Variants in NFYC observed in about 807,000 individuals in gnomAD.
NFYC encodes nuclear transcription factor Y subunit gamma, also known as CAAT box DNA-binding protein subunit C.
A neutral mutation model predicts 53.1 loss-of-function variants in NFYC; 25 were observed. The ratio of observed to expected loss-of-function variants is 0.47; its 90% confidence interval spans 0.34 to 0.66. The LOEUF (loss-of-function observed/expected upper bound fraction) is 0.66. NFYC is among the 30% of genes least tolerant of loss of function. The probability of loss-of-function intolerance (pLI) is 0.01; values close to 1 mark genes in which losing one functional copy is unlikely to be tolerated. For synonymous variants in NFYC, 145 were observed against 152.6 expected, an observed-to-expected ratio of 0.95 and a Z score of 0.37; for missense variants, 260 against 422.7, an observed-to-expected ratio of 0.62 and a Z score of 3.38.
At chr1:40,698,787 A>G (rs907866464) in intron 1 of NFYC, among the ~76,000 whole-genome samples, 3 of 152,154 alleles carry the variant, frequency 2.0e-5, no homozygotes, top group African/African-American at 7.2e-5. Flanking sequence ...AATAAGATTC[A>G]ATAATTGTCC....
intron 1 of NFYC, among the ~76,000 whole-genome samples, chr1:40,721,189 G>C (rs140685947): frequency 6.6e-6 from 1 of 152,222 alleles, no homozygotes; most frequent in African/African-American, 2.4e-5. Context: ...ATTAGTGAAT[G>C]TGTAGACAGT....
chr1:40,706,510 T>C (rs1225755096), intron 1 of NFYC, among the ~76,000 whole-genome samples: 3 of 152,216 alleles, frequency 2.0e-5, no homozygotes, highest in African/African-American at 7.2e-5. Flanking sequence ...ATGAGGAGTT[T>C]CTAGAAAAGA....
Position 40,771,176 on chromosome 1 carries a change from GT to G in NFYC, c.*351del, listed in dbSNP as rs1647067412. On this transcript the variant is annotated 3_prime_UTR_variant, in exon 10 of 10. Coordinates refer to ENST00000447388, the MANE Select transcript of NFYC (RefSeq NM_014223.5). ...CTCCTTTTGTTTTTCTTTTTTTTTTGTTTGTTACTGCCACTTCTTTTTAGGA... is the reference window on the plus strand; with the variant it reads ...CTCCTTTTGTTTTTCTTTTTTTTTTGTTGTTACTGCCACTTCTTTTTAGGA... 1 of 308,812 alleles carries G rather than the reference GT, an allele frequency of 3.2e-6. No homozygotes were observed. The highest frequency in any genetic ancestry group is 4.8e-5 in the Admixed American group (1 of 20,656). The allele number at this position is 308,812 out of a possible 1,614,324, so 19.1% of individuals were successfully genotyped here. A position where few individuals can be genotyped will look rare whatever the true frequency, so the allele number is the denominator to read the frequency against.
intron 1 of NFYC, among the ~76,000 whole-genome samples, chr1:40,698,819 G>A (rs779027470): frequency 6.6e-6 from 1 of 152,126 alleles, no homozygotes; most frequent in African/African-American, 2.4e-5. Flanking sequence ...ACATTCATGA[G>A]TATGAACCAT....
At chr1:40,751,769 A>C (rs1392490179) in intron 4 of NFYC, among the ~76,000 whole-genome samples, 1 of 152,100 alleles carries the variant, frequency 6.6e-6, no homozygotes, top group African/African-American at 2.4e-5. Flanking sequence ...GATGTTTATT[A>C]TTTTTCTTTT....
At chr1:40,735,946 AAG>A (rs1645002648) in intron 1 of NFYC, among the ~76,000 whole-genome samples, 1 of 152,230 alleles carries the variant, frequency 6.6e-6, no homozygotes, top group Non-Finnish European at 1.5e-5. Flanking sequence ...CAGTACATCT[AAG>A]AGAGTAGCAT....
At chr1:40,757,938 T>G in intron 5 of NFYC, 183 bp from the exon 6 acceptor site, 1 of 639,470 alleles carries the variant, frequency 1.6e-6, no homozygotes, top group Non-Finnish European at 2.7e-6. Flanking sequence ...GGATCTGTTA[T>G]TTTTAGTTTG....
At chr1:40,699,589 A>G (rs529207593) in intron 1 of NFYC, among the ~76,000 whole-genome samples, 28 of 152,362 alleles carry the variant, frequency 1.8e-4, no homozygotes, top group Admixed American at 5.2e-4. Flanking sequence ...TTGGTTGGCA[A>G]TCACTTAGGA....
At chr1:40,720,274 T>G (rs1052234602) in intron 1 of NFYC, among the ~76,000 whole-genome samples, 1 of 152,210 alleles carries the variant, frequency 6.6e-6, no homozygotes, top group Non-Finnish European at 1.5e-5. Context: ...TTGACATTAT[T>G]ATAACGCCCT....
chr1:40,749,637 C>G lies in NFYC; in HGVS notation c.242C>G (p.Thr81Ser), dbSNP rs1426053710. The G allele has an allele frequency of 2.5e-6, 4 of 1,614,056 alleles. No individual in the cohort carries two copies. Among genetic ancestry groups the G allele is most frequent in the Non-Finnish European group, 3.4e-6 (4 of 1,180,022 alleles). ...KAAQIFITEL[T>S]LRAWIHTEDN... Reference sequence around the variant, plus strand: ...GCCCAGATTTTTATCACAGAGTTGACTCTTCGAGCCTGGATTCACACAGAA... The same window carrying G: ...GCCCAGATTTTTATCACAGAGTTGAGTCTTCGAGCCTGGATTCACACAGAA... Residue 81 changes from threonine to serine, a missense_variant, in exon 4 of 10, where the codon ACT (threonine) becomes AGT (serine). Thr to Ser is a moderately conservative substitution (Grantham distance 58). Coordinates refer to ENST00000447388, the MANE Select transcript of NFYC (RefSeq NM_014223.5).
At chr1:40,718,989 A>G (rs923636102) in intron 1 of NFYC, among the ~76,000 whole-genome samples, 1 of 152,186 alleles carries the variant, frequency 6.6e-6, no homozygotes, top group Non-Finnish European at 1.5e-5. Context: ...CTCCTGCCTC[A>G]GCCTCCCGAG....
intron 4 of NFYC, among the ~76,000 whole-genome samples, chr1:40,751,257 C>T (rs1414963966): frequency 6.6e-6 from 1 of 151,974 alleles, no homozygotes; most frequent in Admixed American, 6.6e-5. Context: ...ACTATGTTAA[C>T]AAAAGGAACC....
At chr1:40,697,507 C>G (rs569054283) in intron 1 of NFYC, among the ~76,000 whole-genome samples, 3 of 152,084 alleles carry the variant, frequency 2.0e-5, no homozygotes, top group South Asian at 2.1e-4. Context: ...TTGTTCATCC[C>G]CAAGTGTTGA....
intron 6 of NFYC, among the ~76,000 whole-genome samples, chr1:40,761,969 C>T (rs2148766446): frequency 6.6e-6 from 1 of 150,850 alleles, no homozygotes; most frequent in Middle Eastern, 3.4e-3. Context: ...CCCAGATAGG[C>T]TCACTGCTCT....
At chr1:40,761,760 A>G (rs1432966449) in intron 6 of NFYC, among the ~76,000 whole-genome samples, 1 of 152,248 alleles carries the variant, frequency 6.6e-6, no homozygotes, top group African/African-American at 2.4e-5. Flanking sequence ...GTCAGAATTA[A>G]GAACATCAGA....
intron 1 of NFYC, among the ~76,000 whole-genome samples, chr1:40,711,354 CATTG>C (rs1640401179): frequency 6.6e-6 from 1 of 152,108 alleles, no homozygotes; most frequent in Non-Finnish European, 1.5e-5. Flanking sequence ...ATTTGTTTGT[CATTG>C]ATTATTTATA....
rs753702833 is a variant in NFYC, at chr1:40,770,932, G to A, written c.*104G>A. Reference sequence around the variant, plus strand: ...CCCAGAGGACCCGGCCGACCTCAGCGCCTCCTGCAGGCTAGGACACTGGTG... The same window carrying A: ...CCCAGAGGACCCGGCCGACCTCAGCACCTCCTGCAGGCTAGGACACTGGTG... On this transcript the variant is annotated 3_prime_UTR_variant, in exon 10 of 10. Coordinates refer to ENST00000447388, the MANE Select transcript of NFYC (RefSeq NM_014223.5). The surrounding 1 kb of genome is among the most constrained non-coding windows in gnomAD (Gnocchi z 5.3). 82 of 1,252,694 alleles carry A rather than the reference G, an allele frequency of 6.5e-5. No individual in the cohort carries two copies. The African/African-American group carries it at 8.4e-4, about 13-fold the overall frequency. 77.6% of individuals were successfully genotyped at this position (1,252,694 alleles called of 1,614,324 possible).
chr1:40,734,372 ATTTATT>A (rs1644919589), intron 1 of NFYC, among the ~76,000 whole-genome samples: 1 of 148,580 alleles, frequency 6.7e-6, no homozygotes, highest in South Asian at 2.1e-4. Flanking sequence ...TTATTTATTT[ATTTATT>A]TTGAGATGGA....
chr1:40,715,821 A>C (rs1413143689), intron 1 of NFYC, among the ~76,000 whole-genome samples: 3 of 152,238 alleles, frequency 2.0e-5, no homozygotes, highest in Non-Finnish European at 4.4e-5. Context: ...AGAAAAAAAA[A>C]CATAGTAAAT....
Sources: gnomAD v4.1 joint callset for allele counts (sites outside exome capture counted in the v4.1 genomes callset) on GRCh38, gnomAD v4.1.1 for gene constraint, Gnocchi (gnomAD v3.1) non-coding constraint, MANE v1.5 for transcripts, NCBI Gene and HGNC (gene_info 2026-07-23, HGNC 2026-07-21) for gene names.